LYZL1: variants seen among roughly 807,000 people sequenced by gnomAD.
LYZL1 encodes the protein lysozyme-like protein 1.
In LYZL1, 16 loss-of-function variants were observed where a neutral mutation model predicts 17.9. That is an observed-to-expected ratio of 0.90 (90% CI 0.61 to 1.36). LYZL1 has a LOEUF of 1.36. Ranked by LOEUF, LYZL1 falls within the 40% of genes most tolerant of loss-of-function variation. The probability of loss-of-function intolerance (pLI) is 0.00; values close to 1 mark genes in which losing one functional copy is unlikely to be tolerated. For missense variants in LYZL1, 149 were observed against 188.4 expected (o/e 0.79, Z 1.22); for synonymous variants, 58 against 71.8 (o/e 0.81, Z 0.97).
intron 2 of LYZL1, 122 bp from the exon 3 acceptor site, chr10:29,292,397 C>G: frequency 6.8e-7 from 1 of 1,461,224 alleles, no homozygotes; most frequent in East Asian, 2.4e-5. Context: ...CCGCCCTGCC[C>G]TGCCCAAGGT....
chr10:29,317,266 G>T (rs1835743889), intron 3 of LYZL1: 1 of 152,124 alleles, frequency 6.6e-6, no homozygotes, highest in African/African-American at 2.4e-5. Flanking sequence ...TTTGCAAAGA[G>T]CCCTTCCTCT....
intron 3 of LYZL1, among the ~76,000 whole-genome samples, chr10:29,306,516 C>A (rs991636280): frequency 1.7e-5 from 2 of 115,356 alleles, no homozygotes; most frequent in Non-Finnish European, 3.3e-5. Flanking sequence ...CGCCACTGCA[C>A]TCCAGCCTGG....
chr10:29,310,174 A>G lies in LYZL1; in HGVS notation c.363A>G (p.Gln121=), dbSNP rs775736831. The change falls in exon 4 of 5, where the codon CAA becomes CAG. Residue 121 remains glutamine, a synonymous_variant. Transcript: ENST00000649382. ...CCAGGAAAATTGTTAAAGAGACACAAGGAATGAACTATTGGTAAGAGTGTT... is the reference window on the plus strand; with the variant it reads ...CCAGGAAAATTGTTAAAGAGACACAGGGAATGAACTATTGGTAAGAGTGTT... ...ICARKIVKET[Q]GMNYWQGWKK... 1.2e-6 allele frequency: 2 copies of G among 1,608,128 alleles called. No homozygotes were observed. The highest frequency in any genetic ancestry group is 1.7e-6 in the Non-Finnish European group (2 of 1,174,642).
chr10:29,307,538 A>T (rs1214909366), intron 3 of LYZL1, among the ~76,000 whole-genome samples: 1 of 152,246 alleles, frequency 6.6e-6, no homozygotes. Context: ...GTAAATTGTC[A>T]CATGTTGCTA....
intron 3 of LYZL1, among the ~76,000 whole-genome samples, chr10:29,304,324 ACT>A (rs1292762687): frequency 6.6e-6 from 1 of 151,882 alleles, no homozygotes; most frequent in South Asian, 2.1e-4. Context: ...ATGATTATTG[ACT>A]CTCTATCTAG....
chr10:29,310,014 A>C, intron 3 of LYZL1, 96 bp from the exon 4 acceptor site: 1 of 827,614 alleles, frequency 1.2e-6, no homozygotes, highest in East Asian at 2.6e-5. Context: ...AACCCTCTTG[A>C]TCCAAAAAGA....
At chr10:29,300,673 T>C (rs1835505422) in intron 3 of LYZL1, among the ~76,000 whole-genome samples, 1 of 152,226 alleles carries the variant, frequency 6.6e-6, no homozygotes. Flanking sequence ...TTACCTTCTT[T>C]TTGGTTTTGG....
At chr10:29,317,344 T>C (rs909529999) in exon 4 of LYZL1, 10 of 152,258 alleles carry the variant, frequency 6.6e-5, no homozygotes, top group Admixed American at 5.2e-4. Flanking sequence ...GGAGGTCATC[T>C]TTCCCTGGAC....
chr10:29,292,508 C>G lies in LYZL1; in HGVS notation c.140-11C>G. On this transcript the variant is annotated splice_polypyrimidine_tract_variant and intron_variant, in intron 2 of 4. Coordinates refer to ENST00000649382, the MANE Select transcript of LYZL1 (RefSeq NM_032517.6). ...TTCCTTTGCTGGCGTTTCTGGCTTT[C>G]CCCCCTCCAGGGATCTGCATGGCAT... 6.2e-7 allele frequency: 1 copy of G among 1,610,840 alleles called. No homozygotes were observed. Among genetic ancestry groups the G allele is most frequent in the South Asian group, 1.1e-5 (1 of 90,516 alleles).
chr10:29,316,759 T>C (rs1046058304), intron 3 of LYZL1, among the ~76,000 whole-genome samples: 15 of 149,452 alleles, frequency 1.0e-4, no homozygotes, highest in Non-Finnish European at 1.0e-4. Flanking sequence ...GTCACCAGGC[T>C]AGGCTAGAGT....
At chr10:29,304,892 C>T (rs1419373750) in intron 3 of LYZL1, among the ~76,000 whole-genome samples, 8 of 152,162 alleles carry the variant, frequency 5.3e-5, no homozygotes, top group Non-Finnish European at 1.2e-4. Context: ...AATGCTATAA[C>T]AAAGTAGGAG....
intron 3 of LYZL1, 117 bp from the exon 4 acceptor site, chr10:29,309,993 A>T (rs1186442374): frequency 4.4e-6 from 3 of 683,928 alleles, no homozygotes; most frequent in Non-Finnish European, 7.4e-6. Context: ...AGGCAAAATC[A>T]TAGTTCTTCC....
At chr10:29,311,364 A>T, downstream of LYZL1, 2 of 644,512 alleles carry the variant, frequency 3.1e-6, no homozygotes, top group South Asian at 2.4e-5. Context: ...TGGCCCTGAA[A>T]CTGCTGCTCA....
chr10:29,311,148 C>T lies in LYZL1; in HGVS notation c.*89C>T, dbSNP rs1835666670. The stretch of plus-strand genomic sequence containing the variant: ...CCTGTGTCATCTTGTCCCGTTTCCT[C>T]CCAATATTCCTTCTCAAACTTGGAG... On this transcript the variant is annotated 3_prime_UTR_variant, in exon 5 of 5. Transcript: ENST00000649382. 3 of 1,608,986 alleles carry T rather than the reference C, an allele frequency of 1.9e-6. No homozygotes were observed. Among genetic ancestry groups the T allele is most frequent in the South Asian group, 1.1e-5 (1 of 90,100 alleles).
chr10:29,309,970 A>G (rs573097555), intron 3 of LYZL1, 140 bp from the exon 4 acceptor site: 1 of 600,920 alleles, frequency 1.7e-6, no homozygotes, highest in East Asian at 2.9e-5. Context: ...TGAAAATAAG[A>G]TTGTGGCTTT....
chr10:29,300,999 A>AT (rs1476981447), intron 3 of LYZL1, among the ~76,000 whole-genome samples: 1 of 151,714 alleles, frequency 6.6e-6, no homozygotes, highest in East Asian at 1.9e-4. Context: ...TTTTTATTTT[A>AT]TTTTTTGTAG....
chr10:29,313,314 G>T (rs955822366), downstream of LYZL1, among the ~76,000 whole-genome samples: 21 of 152,230 alleles, frequency 1.4e-4, no homozygotes, highest in African/African-American at 5.1e-4. Flanking sequence ...CTTACAGAAG[G>T]CCATAAATAT....
At chr10:29,298,409 C>G (rs561497673) in intron 3 of LYZL1, among the ~76,000 whole-genome samples, 2 of 152,150 alleles carry the variant, frequency 1.3e-5, no homozygotes, top group East Asian at 3.9e-4. Context: ...TCTGTCCCTT[C>G]CCTGCTGATG....
At chr10:29,306,811 T>TGTGTGTGTGTGA in intron 3 of LYZL1, among the ~76,000 whole-genome samples, 1 of 140,428 alleles carries the variant, frequency 7.1e-6, no homozygotes, top group African/African-American at 2.7e-5. Context: ...TGTGTGTGTG[T>TGTGTGTGTGTGA]GTGTGTGTGT....
Sources: allele counts gnomAD v4.1 joint callset (sites outside exome capture counted in the v4.1 genomes callset), GRCh38; gene constraint gnomAD v4.1.1; transcripts MANE v1.5; gene names NCBI Gene and HGNC (gene_info 2026-07-23, HGNC 2026-07-21).